Variants in SGCZ observed in about 807,000 individuals in gnomAD.
SGCZ encodes the protein sarcoglycan zeta.
SGCZ carries 40 observed loss-of-function variants against 41.3 expected under a neutral mutation model. The observed-to-expected ratio is 0.97, with a 90% CI of 0.75 to 1.26. The LOEUF (loss-of-function observed/expected upper bound fraction) is 1.26. Among genes scored for constraint, SGCZ ranks in the 50% most tolerant of loss-of-function variants. The pLI, the probability that SGCZ is intolerant of heterozygous loss-of-function variation, is 0.00. For missense variants in SGCZ, 552 were observed against 369.8 expected (o/e 1.49, Z -4.04); for synonymous variants, 206 against 137.5 (o/e 1.50, Z -3.49).
chr8:14,594,380 T>A (rs542751701), intron 1 of SGCZ, among the ~76,000 whole-genome samples: 1 of 151,692 alleles, frequency 6.6e-6, no homozygotes, highest in Non-Finnish European at 1.5e-5. Flanking sequence ...AAAAAAAACA[T>A]GAAAACTGGA....
At chr8:14,368,793 A>G (rs527980617) in intron 2 of SGCZ, among the ~76,000 whole-genome samples, 30 of 151,712 alleles carry the variant, frequency 2.0e-4, no homozygotes, top group Admixed American at 9.2e-4. Flanking sequence ...GTAATGTGAT[A>G]AACTCAAGTG....
rs1318851609 is a variant in SGCZ at position 15,236,679 on chromosome 8, A to AT, written c.39+905dup. Among the ~76,000 whole-genome samples the AT allele has an allele frequency of 2.0e-3, 116 of 57,682 alleles. 1 individual carries two copies. The highest frequency in any genetic ancestry group is 0.012 in the Middle Eastern group (1 of 86). 37.8% of individuals were successfully genotyped at this position (57,682 alleles called of 152,430 possible). On this transcript the variant is annotated intron_variant, in intron 1 of 7. Transcript: ENST00000382080. The stretch of plus-strand genomic sequence containing the variant: ...TTATTGTGTGTATATAAATATATAT[A>AT]TTTTTTTTTCTTGAAGGGAAGCAGG...
intron 1 of SGCZ, among the ~76,000 whole-genome samples, chr8:14,630,312 G>T (rs560810816): frequency 6.6e-6 from 1 of 151,842 alleles, no homozygotes; most frequent in Non-Finnish European, 1.5e-5. Flanking sequence ...GCCTCTAGTG[G>T]GCTGTTCTAA....
At chr8:15,016,487 G>A (rs985329907) in intron 1 of SGCZ, among the ~76,000 whole-genome samples, 9 of 152,172 alleles carry the variant, frequency 5.9e-5, no homozygotes, top group Non-Finnish European at 1.0e-4. Context: ...AGGTAAAAGA[G>A]AGAAGAGACA....
At chr8:15,054,662 C>A (rs1319455851) in intron 1 of SGCZ, among the ~76,000 whole-genome samples, 1 of 151,988 alleles carries the variant, frequency 6.6e-6, no homozygotes, top group Admixed American at 6.6e-5. Flanking sequence ...TTCTTTAAGA[C>A]TCAATTTTGT....
At chr8:14,839,584 A>C (rs1325980828) in intron 1 of SGCZ, among the ~76,000 whole-genome samples, 1 of 152,166 alleles carries the variant, frequency 6.6e-6, no homozygotes. Flanking sequence ...TAGTGCAATA[A>C]ACACTTTTTT....
At chr8:14,816,433 T>C (rs985695135) in intron 1 of SGCZ, among the ~76,000 whole-genome samples, 1 of 152,238 alleles carries the variant, frequency 6.6e-6, no homozygotes, top group Non-Finnish European at 1.5e-5. Context: ...AAGTACAATG[T>C]TATATTCACT....
At chr8:15,043,012 C>T (rs556909821) in intron 1 of SGCZ, among the ~76,000 whole-genome samples, 14 of 152,280 alleles carry the variant, frequency 9.2e-5, no homozygotes, top group African/African-American at 3.4e-4. Flanking sequence ...GTTATTTCTG[C>T]TAATTTCCCT....
chr8:14,945,217 ATT>A (rs2130826335), intron 1 of SGCZ, among the ~76,000 whole-genome samples: 1 of 152,236 alleles, frequency 6.6e-6, no homozygotes, highest in African/African-American at 2.4e-5. Context: ...TACAAGCTGA[ATT>A]TATGGAGAAC....
At chr8:14,589,868 A>C (rs1386752974) in intron 1 of SGCZ, among the ~76,000 whole-genome samples, 1 of 152,184 alleles carries the variant, frequency 6.6e-6, no homozygotes, top group Non-Finnish European at 1.5e-5. Context: ...ATTTTGCCCA[A>C]CTAGATATGG....
At chr8:14,730,325 A>C (rs1810195717) in intron 1 of SGCZ, among the ~76,000 whole-genome samples, 1 of 152,200 alleles carries the variant, frequency 6.6e-6, no homozygotes, top group South Asian at 2.1e-4. Flanking sequence ...TGGTGATATT[A>C]TCACCATACA....
At chr8:15,076,997 C>T (rs746647792) in intron 1 of SGCZ, among the ~76,000 whole-genome samples, 6 of 152,020 alleles carry the variant, frequency 3.9e-5, no homozygotes, top group Admixed American at 2.0e-4. Flanking sequence ...ATAATTGCAG[C>T]GTGTCTCAAA....
chr8:14,494,799 G>T (rs7834116), intron 2 of SGCZ, among the ~76,000 whole-genome samples: 1 of 152,166 alleles, frequency 6.6e-6, no homozygotes, highest in Admixed American at 6.5e-5. Context: ...GCTGGTTTTT[G>T]CAGTAGCCTG....
At chr8:14,631,347 G>A (rs1045097590) in intron 1 of SGCZ, among the ~76,000 whole-genome samples, 3 of 151,946 alleles carry the variant, frequency 2.0e-5, no homozygotes, top group African/African-American at 4.8e-5. Context: ...AATTAGTGAC[G>A]TGCTAGAGTT....
chr8:14,612,916 G>T (rs553369898), intron 1 of SGCZ, among the ~76,000 whole-genome samples: 1 of 152,120 alleles, frequency 6.6e-6, no homozygotes, highest in Admixed American at 6.5e-5. Context: ...GAACTCCTGA[G>T]CTCAGGCTAT....
intron 2 of SGCZ, among the ~76,000 whole-genome samples, chr8:14,504,704 T>C (rs924777426): frequency 3.3e-5 from 5 of 152,184 alleles, no homozygotes; most frequent in African/African-American, 1.2e-4. Context: ...TCAATAGATA[T>C]CTGTTCAATT....
chr8:14,797,656 A>G (rs1041618249), intron 1 of SGCZ, among the ~76,000 whole-genome samples: 1 of 152,236 alleles, frequency 6.6e-6, no homozygotes, highest in African/African-American at 2.4e-5. Flanking sequence ...TTATTCACCA[A>G]GACAATGGGG....
intron 2 of SGCZ, among the ~76,000 whole-genome samples, chr8:14,541,926 C>A (rs1020984650): frequency 4.0e-4 from 61 of 152,202 alleles, no homozygotes; most frequent in African/African-American, 1.4e-3. Context: ...ACAAATATGT[C>A]TTCTTTTCAA....
At chr8:14,992,016 C>T (rs1278116945) in intron 1 of SGCZ, among the ~76,000 whole-genome samples, 1 of 150,948 alleles carries the variant, frequency 6.6e-6, no homozygotes, top group Non-Finnish European at 1.5e-5. Context: ...CACCCATCCT[C>T]CTCATTCAAT....
Sources: allele counts gnomAD v4.1 joint callset (sites outside exome capture counted in the v4.1 genomes callset), GRCh38; gene constraint gnomAD v4.1.1; transcripts MANE v1.5; gene names NCBI Gene and HGNC (gene_info 2026-07-23, HGNC 2026-07-21).